DNAH9: variants seen among roughly 807,000 people sequenced by gnomAD.
DNAH9 encodes dynein axonemal heavy chain 9.
In DNAH9, 345 loss-of-function variants were observed where a neutral mutation model predicts 471.6. That is an observed-to-expected ratio of 0.73 (90% CI 0.67 to 0.80). The LOEUF (loss-of-function observed/expected upper bound fraction) is 0.80, where lower values mean the gene tolerates loss of function less well. DNAH9 is among the 30% of genes least tolerant of loss of function. The pLI is 0.00. For missense variants in DNAH9, 5,407 were observed against 5,609.2 expected (o/e 0.96, Z 1.15); for synonymous variants, 2,093 against 2,123.6 (o/e 0.99, Z 0.40).
chr17:11,882,969 C>A, intron 55 of DNAH9: 2 of 985,484 alleles, frequency 2.0e-6, no homozygotes, highest in Non-Finnish European at 2.4e-6. Context: ...GTTGTTCTTC[C>A]CACGAATCCA....
At chr17:11,878,678 C>T (rs1235704312) in intron 53 of DNAH9, among the ~76,000 whole-genome samples, 1 of 152,116 alleles carries the variant, frequency 6.6e-6, no homozygotes, top group Admixed American at 6.6e-5. Context: ...ACCTTAGCCT[C>T]CCAGGTAGCT....
chr17:11,678,150 C>T (rs1168610664), intron 17 of DNAH9, among the ~76,000 whole-genome samples: 20 of 152,078 alleles, frequency 1.3e-4, no homozygotes, highest in East Asian at 5.8e-4. Flanking sequence ...CTCTGCCTCC[C>T]GGATTCAAGT....
At chr17:11,968,633 A>G (rs1010332195) in intron 68 of DNAH9, among the ~76,000 whole-genome samples, 5 of 152,224 alleles carry the variant, frequency 3.3e-5, no homozygotes, top group Non-Finnish European at 5.9e-5. Context: ...AGTCCAGAAT[A>G]TGGTAAGCAC....
chr17:11,938,260 C>A (rs1418044810), intron 66 of DNAH9, among the ~76,000 whole-genome samples: 2 of 151,944 alleles, frequency 1.3e-5, no homozygotes, highest in African/African-American at 4.8e-5. Flanking sequence ...GAGTTCGAGA[C>A]CAGCCTGGCC....
chr17:11,779,534 C>T lies in DNAH9; in HGVS notation c.7553-1475C>T, dbSNP rs552176959. ...TCCATGGCCACTTCTTGCTAACTGA[C>T]ATGGTTTTCTCCTCAACGATCCTTT... On this transcript the variant is annotated intron_variant, in intron 38 of 68. Coordinates refer to ENST00000262442, the MANE Select transcript of DNAH9 (RefSeq NM_001372.4). 4.2e-4 allele frequency among the ~76,000 whole-genome samples: 64 copies of T among 152,318 alleles called. No individual in the cohort carries two copies. The East Asian group carries it at 0.012, about 28-fold the overall frequency.
At chr17:11,679,441 G>A (rs987399622) in intron 17 of DNAH9, among the ~76,000 whole-genome samples, 5 of 152,204 alleles carry the variant, frequency 3.3e-5, no homozygotes, top group Admixed American at 2.0e-4. Context: ...GATTTTGAGT[G>A]CGCTCAGAGA....
intron 2 of DNAH9, 70 bp from the exon 3 acceptor site, chr17:11,610,326 C>A: frequency 2.3e-6 from 3 of 1,304,942 alleles, no homozygotes; most frequent in South Asian, 2.7e-5. Context: ...TGGGGTACAC[C>A]CAGGGTTATT....
At chr17:11,876,459 T>C (rs1017613258) in intron 53 of DNAH9, among the ~76,000 whole-genome samples, 1 of 151,170 alleles carries the variant, frequency 6.6e-6, no homozygotes, top group Non-Finnish European at 1.5e-5. Flanking sequence ...TTAAATAAAA[T>C]AAAATTGAAG....
rs1192027139 is a variant in DNAH9, at chr17:11,608,445, G to A, written c.614+120G>A. Reference sequence around the variant, plus strand: ...GCACATCTCCTCGTTCTGCACACAAGCCTACTGTCTGCTCTGTTTGCCGAC... The same window carrying A: ...GCACATCTCCTCGTTCTGCACACAAACCTACTGTCTGCTCTGTTTGCCGAC... On this transcript the variant is annotated intron_variant, in intron 2 of 68. Coordinates refer to ENST00000262442, the MANE Select transcript of DNAH9 (RefSeq NM_001372.4). 5 of 783,752 alleles carry A rather than the reference G, an allele frequency of 6.4e-6. No individual in the cohort carries two copies. The South Asian group carries it at 7.1e-5, about 11-fold the overall frequency. The allele number at this position is 783,752 out of a possible 1,614,324, so 48.5% of individuals were successfully genotyped here. A position where few individuals can be genotyped will look rare whatever the true frequency, so the allele number is the denominator to read the frequency against.
Position 11,822,533 on chromosome 17 carries a change from C to A in DNAH9, c.8946C>A (p.His2982Gln). The change falls in exon 47 of 69, where the codon CAC becomes CAA. Residue 2982 changes from histidine (H) to glutamine (Q), a missense_variant. Around this residue, in one of 3 missense-constraint regions of DNAH9, gnomAD observed 4,636 missense variants for 4,900.3 expected, o/e 0.95. Coordinates refer to ENST00000262442, the MANE Select transcript of DNAH9 (RefSeq NM_001372.4). Reference sequence around the variant, plus strand: ...ACTGCACAGCCATCCACTGGTTCCACGAGTGGCCTCAGCAAGCATTGGAGT... The same window carrying A: ...ACTGCACAGCCATCCACTGGTTCCAAGAGTGGCCTCAGCAAGCATTGGAGT... ...IVNCTAIHWF[H>Q]EWPQQALESV... 1 of 1,614,172 alleles carries A rather than the reference C, an allele frequency of 6.2e-7. No homozygotes were observed.
chr17:11,732,114 C>T (rs2075280017), intron 28 of DNAH9, among the ~76,000 whole-genome samples: 1 of 152,202 alleles, frequency 6.6e-6, no homozygotes, highest in Admixed American at 6.5e-5. Context: ...GCCCAACAGC[C>T]ATTGTTGCCC....
chr17:11,739,602 C>T (rs137904513), intron 29 of DNAH9, among the ~76,000 whole-genome samples: 1 of 152,250 alleles, frequency 6.6e-6, no homozygotes, highest in East Asian at 1.9e-4. Flanking sequence ...ATACACATTG[C>T]CAAATTGCTT....
Position 11,869,165 on chromosome 17 carries a change from C to A in DNAH9, c.9965C>A (p.Ala3322Asp). The A allele has an allele frequency of 6.2e-7, 1 of 1,613,662 alleles. No individual in the cohort carries two copies. Among genetic ancestry groups the A allele is most frequent in the South Asian group, 1.1e-5 (1 of 91,010 alleles). ...HLNENLAKLT[A>D]RFEKATADKL... ...AATGAAAACCTGGCAAAGCTCACAGCCAGGTTTGAGAAAGCAACAGCAGAC... is the reference window on the plus strand; with the variant it reads ...AATGAAAACCTGGCAAAGCTCACAGACAGGTTTGAGAAAGCAACAGCAGAC... Residue 3322 changes from alanine to aspartate, a missense_variant, in exon 51 of 69, where the codon GCC (alanine) becomes GAC (aspartate). Transcript: ENST00000262442.
At chr17:11,629,700 C>T in intron 7 of DNAH9, 116 bp downstream of exon 7, 1 of 905,114 alleles carries the variant, frequency 1.1e-6, no homozygotes, top group Non-Finnish European at 1.6e-6. Context: ...CTCTGTGGTC[C>T]CAGTGGTTTT....
At chr17:11,732,457 T>A (rs997721251) in intron 28 of DNAH9, among the ~76,000 whole-genome samples, 6 of 151,908 alleles carry the variant, frequency 3.9e-5, no homozygotes, top group Non-Finnish European at 7.4e-5. Flanking sequence ...CTGCTGACAG[T>A]TCTCCACCAC....
rs1341902043 is a variant in DNAH9, at chr17:11,832,632, CCCTTT to C, written c.9247-2000_9247-1996del. Among the ~76,000 whole-genome samples the C allele has an allele frequency of 1.2e-3, 179 of 152,274 alleles. 1 individual carries two copies. Among genetic ancestry groups the C allele is most frequent in the Non-Finnish European group, 1.2e-3 (79 of 68,010 alleles). Reference sequence around the variant, plus strand: ...AAAATTAAAGAGCATTCTCTTTTTTCCCTTTCCTTTTCTTTTCTTTTGATCTGCCC... The same window carrying C: ...AAAATTAAAGAGCATTCTCTTTTTTCCCTTTTCTTTTCTTTTGATCTGCCC... On this transcript the variant is annotated intron_variant, in intron 48 of 68. Transcript: ENST00000262442.
At chr17:11,950,522 C>T (rs1039659523) in intron 67 of DNAH9, among the ~76,000 whole-genome samples, 1 of 152,140 alleles carries the variant, frequency 6.6e-6, no homozygotes, top group Non-Finnish European at 1.5e-5. Flanking sequence ...CACACAACCA[C>T]ACCCGACTAA....
rs1462675925 is a variant in DNAH9, at chr17:11,781,201, G to T, written c.7718+27G>T. On this transcript the variant is annotated intron_variant, in intron 39 of 68. Transcript: ENST00000262442. ...TAAGAGCGCCCATGTAGAGGGACTG[G>T]CCCAAGGGAGCAGAGCCTAAGGCAG... 3.7e-6 allele frequency: 6 copies of T among 1,605,024 alleles called. No homozygotes were observed. In the Admixed American group the frequency reaches 1.0e-4, roughly 27 times the overall value.
intron 27 of DNAH9, among the ~76,000 whole-genome samples, chr17:11,721,402 A>T (rs993707171): frequency 1.3e-5 from 2 of 152,188 alleles, no homozygotes; most frequent in Non-Finnish European, 2.9e-5. Flanking sequence ...ACATGCCAGA[A>T]GGGAGGTGCT....
Sources: allele counts gnomAD v4.1 joint callset (sites outside exome capture counted in the v4.1 genomes callset), GRCh38; gene constraint gnomAD v4.1.1; regional missense constraint gnomAD v4.1.1; transcripts MANE v1.5; gene names NCBI Gene and HGNC (gene_info 2026-07-23, HGNC 2026-07-21).